KIF1C: variants seen among roughly 807,000 people sequenced by gnomAD.
KIF1C encodes kinesin family member 1C, also known as kinesin-like protein KIF1C.
KIF1C carries 61 observed loss-of-function variants against 126.5 expected under a neutral mutation model. The ratio of observed to expected loss-of-function variants is 0.48; its 90% CI spans 0.39 to 0.60. The LOEUF (loss-of-function observed/expected upper bound fraction) is 0.60, where lower values mean the gene tolerates loss of function less well. Ranked by LOEUF, KIF1C falls within the 20% of genes least tolerant of loss-of-function variation. The pLI, the probability that KIF1C is intolerant of heterozygous loss-of-function variation, is 0.00. For missense variants in KIF1C, 1,315 were observed against 1,489.2 expected (o/e 0.88, Z 1.93); for synonymous variants, 640 against 580.6 (o/e 1.10, Z -1.47).
Position 5,003,992 on chromosome 17 carries a change from C to A in KIF1C, c.865-6C>A. The A allele has an allele frequency of 6.2e-7, 1 of 1,613,462 alleles. No homozygotes were observed. On this transcript the variant is annotated splice_polypyrimidine_tract_variant and splice_region_variant and intron_variant, in intron 10 of 22. Coordinates refer to ENST00000320785, the MANE Select transcript of KIF1C (RefSeq NM_006612.6). Reference sequence around the variant, plus strand: ...CCCTAACCTCCTTCCTCCTTTTATCCCCCAGCAATCAAAGAAGCGAAAGTC... The same window carrying A: ...CCCTAACCTCCTTCCTCCTTTTATCACCCAGCAATCAAAGAAGCGAAAGTC...
At position 5,000,753 on chromosome 17, in the gene KIF1C, A is replaced by C; in HGVS notation, c.107-19A>C. ...ACCTGACCTTGACTTTCCTTCCTTT[A>C]CCCTCTCCTGCCCCTCAGCCATCAT... On this transcript the variant is annotated intron_variant, in intron 3 of 22. Transcript: ENST00000320785. 2 of 1,612,588 alleles carry C rather than the reference A, an allele frequency of 1.2e-6. No homozygotes were observed. The highest frequency in any genetic ancestry group is 1.7e-6 in the Non-Finnish European group (2 of 1,178,972).
rs779042982 is a variant in KIF1C at position 5,020,882 on chromosome 17, A to T, written c.2010+4A>T. 29 of 1,570,024 alleles carry T rather than the reference A, an allele frequency of 1.8e-5. No homozygotes were observed. The highest frequency in any genetic ancestry group is 1.2e-5 in the Non-Finnish European group (14 of 1,157,474). ...TCTGCTGGAGCAGCAGCGACTGGTG[A>T]GGGGCAGCAGGGGCTGGGGATGGGC... On this transcript the variant is annotated splice_donor_region_variant and intron_variant, in intron 21 of 22. Coordinates refer to ENST00000320785, the MANE Select transcript of KIF1C (RefSeq NM_006612.6). This position sits in a 1 kb window ranked among gnomAD's most constrained non-coding sequence, Gnocchi z 5.8.
chr17:5,002,860 CCCA>C lies in KIF1C; in HGVS notation c.720+20_720+22del. 6.3e-7 allele frequency: 1 copy of C among 1,575,742 alleles called. No individual in the cohort carries two copies. Among genetic ancestry groups the C allele is most frequent in the Non-Finnish European group, 8.7e-7 (1 of 1,150,004 alleles). ...CGGAGAAGGTGGGATCGCCCCCCCC[CCCA>C]CTCCCCCACCGGATGCAACCTCCCC... is the stretch of plus-strand genomic sequence containing the variant. On this transcript the variant is annotated intron_variant, in intron 8 of 22. Coordinates refer to ENST00000320785, the MANE Select transcript of KIF1C (RefSeq NM_006612.6).
intron 18 of KIF1C, 42 bp downstream of exon 18, chr17:5,014,879 G>A (rs370417525): frequency 2.1e-5 from 31 of 1,483,362 alleles, no homozygotes; most frequent in Non-Finnish European, 2.8e-6. Flanking sequence ...AGGGAGAGAG[G>A]CCCCATGTTC....
intron 16 of KIF1C, among the ~76,000 whole-genome samples, chr17:5,009,898 C>A (rs1004508916): frequency 6.6e-6 from 1 of 151,984 alleles, no homozygotes; most frequent in African/African-American, 2.4e-5. Context: ...ACATTCACGG[C>A]CTCTCTAATA....
chr17:5,003,474 C>T lies in KIF1C; in HGVS notation c.721-138C>T, dbSNP rs1265085550. On this transcript the variant is annotated intron_variant, in intron 8 of 22. Transcript: ENST00000320785. The stretch of plus-strand genomic sequence containing the variant: ...TCACTGTTGTCACGTATTCTGTTTC[C>T]CCCGGCCTCCTCCCTCGCCTCCTCC... 4 of 614,378 alleles carry T rather than the reference C, an allele frequency of 6.5e-6. No homozygotes were observed. The Admixed American group carries it at 8.8e-5, about 14-fold the overall frequency. The allele number at this position is 614,378 out of a possible 1,614,324, so 38.1% of individuals were successfully genotyped here.
In KIF1C at chr17:5,022,676, G is replaced by A; in HGVS notation, c.2595G>A (p.Met865Ile). Reference sequence around the variant, plus strand: ...AGCTGCAGGCCCTGCGGGACCGCATGCTCCGCATGGAGAGGGTCATCCCCC... The same window carrying A: ...AGCTGCAGGCCCTGCGGGACCGCATACTCCGCATGGAGAGGGTCATCCCCC... ...DRELQALRDR[M>I]LRMERVIPLA... Residue 865 changes from methionine (M) to isoleucine (I), a missense_variant, in exon 22 of 23, where the codon ATG (methionine) becomes ATA (isoleucine). Around this residue, in one of 2 missense-constraint regions of KIF1C, gnomAD observed 441 missense variants for 436.1 expected, o/e 1.01. Transcript: ENST00000320785. The surrounding 1 kb of genome is among the most constrained non-coding windows in gnomAD (Gnocchi z 4.9). The A allele has an allele frequency of 6.3e-7, 1 of 1,575,704 alleles. No homozygotes were observed. The highest frequency in any genetic ancestry group is 8.6e-7 in the Non-Finnish European group (1 of 1,160,998).
chr17:5,007,722 C>T (rs1371224658), intron 16 of KIF1C, among the ~76,000 whole-genome samples, 180 bp downstream of exon 16: 1 of 152,132 alleles, frequency 6.6e-6, no homozygotes, highest in Non-Finnish European at 1.5e-5. Context: ...GTCATCCCTG[C>T]CTTCTCCCTT....
intron 16 of KIF1C, among the ~76,000 whole-genome samples, chr17:5,009,171 C>G (rs1383716387): frequency 6.6e-6 from 1 of 151,018 alleles, no homozygotes; most frequent in African/African-American, 2.4e-5. Context: ...TCAGAGGCAG[C>G]CTTCATTATG....
Position 5,001,227 on chromosome 17 carries a change from G to T in KIF1C, c.189G>T (p.Glu63Asp). The change falls in exon 5 of 23, where the codon GAG becomes GAT. Residue 63 changes from glutamate to aspartate, a missense_variant. By Grantham distance (45) the Glu-to-Asp change is conservative. This residue lies in a region of KIF1C where 874 missense variants were observed against 1,053.2 expected (regional missense o/e 0.83). Transcript: ENST00000320785. ...DYSYWSHTST[E>D]DPQFASQQQV... ...CTGCCCCCACTTTCTCCTAGACGGA[G>T]GACCCCCAGTTTGCATCTCAGCAGC... is the stretch of plus-strand genomic sequence containing the variant. 1 of 1,614,048 alleles carries T rather than the reference G, an allele frequency of 6.2e-7. No individual in the cohort carries two copies.
chr17:5,010,959 C>T (rs546362991), intron 16 of KIF1C, among the ~76,000 whole-genome samples: 38 of 151,658 alleles, frequency 2.5e-4, no homozygotes, highest in Admixed American at 1.4e-3. Context: ...TACAGGCGCC[C>T]ACCACCACTC....
At chr17:5,007,596 A>G in intron 16 of KIF1C, 54 bp downstream of exon 16, 1 of 1,439,726 alleles carries the variant, frequency 6.9e-7, no homozygotes. Flanking sequence ...TGCCTAGAAA[A>G]GAGGCAGCAG....
At position 5,025,790 on chromosome 17, in the gene KIF1C, A is replaced by G. The variant is rs1975199262; in HGVS notation, c.*1639A>G. ...AGCTGAGATTGCGCCACTGCACTCC[A>G]GCCTGGGCGACAGAGCGAGACTCCA... is the stretch of plus-strand genomic sequence containing the variant. On this transcript the variant is annotated 3_prime_UTR_variant, in exon 23 of 23. Coordinates refer to ENST00000320785, the MANE Select transcript of KIF1C (RefSeq NM_006612.6). The G allele has an allele frequency of 6.6e-6, 1 of 152,278 alleles. No homozygotes were observed. The highest frequency in any genetic ancestry group is 1.5e-5 in the Non-Finnish European group (1 of 68,072). 9.4% of individuals were successfully genotyped at this position (152,278 alleles called of 1,614,324 possible).
Position 4,999,861 on chromosome 17 carries a change from G to C in KIF1C, c.-137G>C. The C allele has an allele frequency of 9.5e-6, 2 of 210,008 alleles. No homozygotes were observed. Among genetic ancestry groups the C allele is most frequent in the Admixed American group, 5.2e-5 (1 of 19,238 alleles). 13.0% of individuals were successfully genotyped at this position (210,008 alleles called of 1,614,324 possible). ...TCCCCCGCAATCAGGGTATCTCCCA[G>C]AGCCCCAGCTGGTGTGGCCAGGCCC... On this transcript the variant is annotated 5_prime_UTR_variant, in exon 2 of 23. Coordinates refer to ENST00000320785, the MANE Select transcript of KIF1C (RefSeq NM_006612.6).
intron 16 of KIF1C, among the ~76,000 whole-genome samples, chr17:5,009,912 G>A (rs1974824281): frequency 1.3e-5 from 2 of 151,932 alleles, no homozygotes; most frequent in South Asian, 4.1e-4. Flanking sequence ...TCTAATAGTT[G>A]TAGTTGCATA....
rs753366271 is a variant in KIF1C, at chr17:5,027,113, G to A, written c.*2962G>A. 1 of 152,058 alleles carries A rather than the reference G, an allele frequency of 6.6e-6. No homozygotes were observed. Among genetic ancestry groups the A allele is most frequent in the Non-Finnish European group, 1.5e-5 (1 of 68,018 alleles). 9.4% of individuals were successfully genotyped at this position (152,058 alleles called of 1,614,324 possible). A position where few individuals can be genotyped will look rare whatever the true frequency, so the allele number is the denominator to read the frequency against. The stretch of plus-strand genomic sequence containing the variant: ...GCATTTTTCAGATGGGAAGACTGAG[G>A]TTTTGTTTATTTATTTTTATTTATT... On this transcript the variant is annotated 3_prime_UTR_variant, in exon 23 of 23. Transcript: ENST00000320785.
rs761853527 is a variant in KIF1C at position 5,002,598 on chromosome 17, C to T, written c.564C>T (p.Ser188=). The change falls in exon 7 of 23, where the codon TCC becomes TCT. Residue 188 remains serine (S), a synonymous_variant. Transcript: ENST00000320785. ...ACCTGTCCAAATTGGCTGTGACCTC[C>T]TACGCAGACATTGCTGACCTCATGG... The part of the protein sequence containing the change: ...VQDLSKLAVT[S]YADIADLMDC... 3.1e-6 allele frequency: 5 copies of T among 1,613,918 alleles called. No homozygotes were observed. Among genetic ancestry groups the T allele is most frequent in the Middle Eastern group, 1.7e-4 (1 of 6,060 alleles).
intron 1 of KIF1C, chr17:4,998,926 C>T (rs1178928255): frequency 1.3e-5 from 2 of 152,372 alleles, no homozygotes; most frequent in African/African-American, 4.8e-5. Flanking sequence ...AGCCTGGCAC[C>T]TTCCCCAGGG....
At chr17:5,000,520 C>A (rs540216776) in intron 3 of KIF1C, among the ~76,000 whole-genome samples, 168 bp downstream of exon 3, 1 of 152,088 alleles carries the variant, frequency 6.6e-6, no homozygotes, top group Non-Finnish European at 1.5e-5. Flanking sequence ...TGTTCCCAGT[C>A]CCTGGGAGGG....
Sources: gnomAD v4.1 joint callset for allele counts (sites outside exome capture counted in the v4.1 genomes callset) on GRCh38, gnomAD v4.1.1 for gene constraint, gnomAD v4.1.1 regional missense constraint, Gnocchi (gnomAD v3.1) non-coding constraint, MANE v1.5 for transcripts, NCBI Gene and HGNC (gene_info 2026-07-23, HGNC 2026-07-21) for gene names.